Variants in ZNF667 observed in about 807,000 individuals in gnomAD.
ZNF667 encodes zinc finger protein 667, also known as myocardial ischemic preconditioning upregulated 1 ortholog.
A neutral mutation model predicts 31.8 loss-of-function variants in ZNF667; 13 were observed. The ratio of observed to expected loss-of-function variants is 0.41; its 90% CI spans 0.27 to 0.65. The LOEUF (loss-of-function observed/expected upper bound fraction) is 0.65, where lower values mean the gene tolerates loss of function less well. ZNF667 is among the 30% of genes least tolerant of loss of function. The probability of loss-of-function intolerance (pLI) is 0.32; values close to 1 mark genes in which losing one functional copy is unlikely to be tolerated. For synonymous variants in ZNF667, 228 were observed against 247.1 expected, an observed-to-expected ratio of 0.92 and a Z score of 0.73; for missense variants, 642 against 725.6, an observed-to-expected ratio of 0.88 and a Z score of 1.32.
In ZNF667 at chr19:56,465,077, C is replaced by T. The variant is rs1447965990; in HGVS notation, c.-59-2648G>A. 2.0e-5 allele frequency among the ~76,000 whole-genome samples: 3 copies of T among 152,196 alleles called. No individual in the cohort carries two copies. In the East Asian group the frequency reaches 5.8e-4, roughly 29 times the overall value. On this transcript the variant is annotated intron_variant, in intron 3 of 6. Coordinates refer to ENST00000504904, the MANE Select transcript of ZNF667 (RefSeq NM_001321356.2). The stretch of plus-strand genomic sequence containing the variant: ...CCCTTTTTTATAAAAAGGCAGTTGT[C>T]TGAAAGTTGTAGAATGACAGTTCAT...
chr19:56,466,365 G>C (rs1015338614), intron 3 of ZNF667, among the ~76,000 whole-genome samples: 2 of 152,142 alleles, frequency 1.3e-5, no homozygotes, highest in African/African-American at 2.4e-5. Flanking sequence ...CCCCTCAGCT[G>C]TATCAGCCTT....
chr19:56,448,152 C>G (rs968278164), intron 6 of ZNF667, among the ~76,000 whole-genome samples: 1 of 152,036 alleles, frequency 6.6e-6, no homozygotes, highest in Non-Finnish European at 1.5e-5. Context: ...AGCATGGCAA[C>G]AAGAGAGAAT....
intron 6 of ZNF667, 122 bp from the exon 7 acceptor site, chr19:56,442,863 T>G: frequency 7.7e-7 from 1 of 1,296,750 alleles, no homozygotes; most frequent in Middle Eastern, 2.5e-4. Context: ...AAAACATAAC[T>G]TTTTAGTGTT....
intron 6 of ZNF667, among the ~76,000 whole-genome samples, chr19:56,452,873 T>C (rs113582182): frequency 5.9e-5 from 9 of 151,624 alleles, no homozygotes; most frequent in African/African-American, 1.9e-4. Context: ...GAGCCGAGAT[T>C]GTGCCACTGC....
chr19:56,458,113 C>CCCAGTAGACTGAGACATATG, intron 6 of ZNF667, 42 bp downstream of exon 6: 1 of 1,535,054 alleles, frequency 6.5e-7, no homozygotes, highest in Non-Finnish European at 9.0e-7. Context: ...TTATAGCAGC[C>CCCAGTAGACTGAGACATATG]CCAGTAGACT....
rs1043212423 is a variant in ZNF667 at position 56,462,334 on chromosome 19, T to C, written c.33+4A>G. 6.2e-7 allele frequency: 1 copy of C among 1,614,166 alleles called. No individual in the cohort carries two copies. Among genetic ancestry groups the C allele is most frequent in the Non-Finnish European group, 8.5e-7 (1 of 1,180,020 alleles). ...TTCCGGAAGGAAGAGGAATTGCCAC[T>C]TACCTTGGATTTGGATTTCCCCCGT... On this transcript the variant is annotated splice_donor_region_variant and intron_variant, in intron 4 of 6. Transcript: ENST00000504904.
upstream of ZNF667, chr19:56,477,510 A>G (rs536598415): frequency 6.6e-6 from 1 of 152,316 alleles, no homozygotes; most frequent in East Asian, 1.9e-4. Flanking sequence ...TCAGCGCCAC[A>G]CGCACAAGCG....
intron 6 of ZNF667, among the ~76,000 whole-genome samples, chr19:56,457,219 G>A (rs1286323743): frequency 6.6e-6 from 1 of 152,160 alleles, no homozygotes; most frequent in African/African-American, 2.4e-5. Flanking sequence ...TTGGAGAAAA[G>A]AGTTAAAAAA....
intron 3 of ZNF667, chr19:56,469,079 C>A (rs542760102): frequency 1.3e-5 from 2 of 152,340 alleles, no homozygotes; most frequent in East Asian, 1.9e-4. Flanking sequence ...TTGTCAGTGA[C>A]CTGGTGCTGA....
chr19:56,459,719 T>A (rs561235406), intron 5 of ZNF667, among the ~76,000 whole-genome samples: 1 of 152,232 alleles, frequency 6.6e-6, no homozygotes, highest in East Asian at 1.9e-4. Flanking sequence ...GAGGGCTGAG[T>A]GCGGTGGCTC....
In ZNF667 at chr19:56,441,065, A is replaced by C; in HGVS notation, c.*97T>G. 1 of 1,483,826 alleles carries C rather than the reference A, an allele frequency of 6.7e-7. No homozygotes were observed. Among genetic ancestry groups the C allele is most frequent in the Non-Finnish European group, 8.9e-7 (1 of 1,121,140 alleles). The allele number at this position is 1,483,826 out of a possible 1,614,324, so 91.9% of individuals were successfully genotyped here. A position where few individuals can be genotyped will look rare whatever the true frequency, so the allele number is the denominator to read the frequency against. On this transcript the variant is annotated 3_prime_UTR_variant, in exon 7 of 7. Transcript: ENST00000504904. The surrounding 1 kb of genome is among the most constrained non-coding windows in gnomAD (Gnocchi z 4.2). ...GCTTTCAAAGTGGGACATATCATCA[A>C]ATGGTCCCATATACACAAAATTTAC...
rs8107758 is a variant in ZNF667, at chr19:56,442,494, T to C, written c.501A>G (p.Thr167=). ...FSLKLHQNIH[T]GEKPFECSNC... is the part of the protein sequence containing the mutation. The stretch of plus-strand genomic sequence containing the variant: ...TACTGCATTCAAAAGGCTTCTCTCC[T>C]GTATGAATGTTCTGATGAAGTTTAA... The change falls in exon 7 of 7, where the codon ACA becomes ACG. Residue 167 remains threonine (T), a synonymous_variant. Transcript: ENST00000504904. The C allele has an allele frequency of 0.97, 1,557,880 of 1,613,702 alleles. 752,222 individuals are homozygous for C. The highest frequency in any genetic ancestry group is 1 in the East Asian group (44,870 of 44,872).
In ZNF667 at chr19:56,441,589, T is replaced by A; in HGVS notation, c.1406A>T (p.Lys469Ile). ...IEHQRIHTGE[K>I]PYQCEECGKA... The stretch of plus-strand genomic sequence containing the variant: ...TCCACATTCCTCACACTGGTAGGGT[T>A]TTTCTCCAGTATGAATTCTTTGATG... Residue 469 changes from lysine (K) to isoleucine (I), a missense_variant, in exon 7 of 7, where the codon AAA becomes ATA. By Grantham distance (102) the Lys-to-Ile change is moderately radical (BLOSUM62 -3). Transcript: ENST00000504904. This position sits in a 1 kb window ranked among gnomAD's most constrained non-coding sequence, Gnocchi z 4.2. 1.9e-6 allele frequency: 3 copies of A among 1,614,172 alleles called. No individual in the cohort carries two copies. Among genetic ancestry groups the A allele is most frequent in the Non-Finnish European group, 2.5e-6 (3 of 1,180,030 alleles).
chr19:56,446,819 C>A (rs1473514201), intron 6 of ZNF667, among the ~76,000 whole-genome samples: 1 of 152,134 alleles, frequency 6.6e-6, no homozygotes, highest in Non-Finnish European at 1.5e-5. Context: ...CCTTCCCACC[C>A]CACATCCCAT....
At chr19:56,459,510 C>G (rs1456810430) in intron 5 of ZNF667, among the ~76,000 whole-genome samples, 1 of 152,148 alleles carries the variant, frequency 6.6e-6, no homozygotes, top group Non-Finnish European at 1.5e-5. Context: ...CAGCACACTG[C>G]CCCCTCCTTC....
rs896837025 is a variant in ZNF667, at chr19:56,471,880, C to A, written c.-241G>T. The A allele has an allele frequency of 3.3e-5, 5 of 152,216 alleles. No homozygotes were observed. Among genetic ancestry groups the A allele is most frequent in the Non-Finnish European group, 5.9e-5 (4 of 68,042 alleles). The allele number at this position is 152,216 out of a possible 1,614,324, so 9.4% of individuals were successfully genotyped here. A position where few individuals can be genotyped will look rare whatever the true frequency, so the allele number is the denominator to read the frequency against. ...GGCTGTGTCCCCACTCAAATCTCAT[C>A]TTGAATTATAGCTCCCATAATTTCC... is the stretch of plus-strand genomic sequence containing the variant. On this transcript the variant is annotated 5_prime_UTR_variant, in exon 3 of 7. Coordinates refer to ENST00000504904, the MANE Select transcript of ZNF667 (RefSeq NM_001321356.2).
At chr19:56,464,770 T>C (rs1453212578) in intron 3 of ZNF667, among the ~76,000 whole-genome samples, 3 of 152,134 alleles carry the variant, frequency 2.0e-5, no homozygotes, top group African/African-American at 7.2e-5. Context: ...GAGACTTTGT[T>C]TTGTTCACCG....
intron 5 of ZNF667, among the ~76,000 whole-genome samples, 186 bp from the exon 6 acceptor site, chr19:56,458,433 T>C (rs1055818203): frequency 2.0e-5 from 3 of 152,226 alleles, no homozygotes; most frequent in Admixed American, 1.3e-4. Context: ...TTTTCATCCC[T>C]GTTTCCGGCA....
Position 56,442,036 on chromosome 19 carries a change from T to G in ZNF667, c.959A>C (p.Gln320Pro). Residue 320 changes from glutamine (Q) to proline (P), a missense_variant, in exon 7 of 7, where the codon CAG (glutamine) becomes CCG (proline). By Grantham distance (76) the Gln-to-Pro change is moderately conservative. Coordinates refer to ENST00000504904, the MANE Select transcript of ZNF667 (RefSeq NM_001321356.2). ...ENAKALSQSL[Q>P]QRSHHLENPF... ...ATTCTCTAAATGGTGACTTCTTTGC[T>G]GTAGACTCTGACTTAAGGCCTTCGC... 12 of 1,614,188 alleles carry G rather than the reference T, an allele frequency of 7.4e-6. No homozygotes were observed. The highest frequency in any genetic ancestry group is 1.0e-5 in the Non-Finnish European group (12 of 1,180,038).
Sources: gnomAD v4.1 joint callset for allele counts (sites outside exome capture counted in the v4.1 genomes callset) on GRCh38, gnomAD v4.1.1 for gene constraint, Gnocchi (gnomAD v3.1) non-coding constraint, MANE v1.5 for transcripts, NCBI Gene and HGNC (gene_info 2026-07-23, HGNC 2026-07-21) for gene names.